The following SLC35F3 variants were observed in gnomAD, a reference collection of about 807,000 sequenced individuals.
SLC35F3 encodes the protein solute carrier family 35 member F3, also known as putative thiamine transporter SLC35F3.
SLC35F3 carries 25 observed loss-of-function variants against 49.9 expected under a neutral mutation model. The observed-to-expected ratio is 0.50, with a 90% CI of 0.37 to 0.70. SLC35F3 has a LOEUF of 0.70. Ranked by LOEUF, SLC35F3 falls within the 30% of genes least tolerant of loss-of-function variation. The pLI is 0.00. For synonymous variants in SLC35F3, 275 were observed against 265.4 expected (o/e 1.04, Z -0.35); for missense variants, 525 against 639.8 (o/e 0.82, Z 1.94).
intron 2 of SLC35F3, among the ~76,000 whole-genome samples, chr1:234,062,757 G>A (rs757112955): frequency 2.0e-5 from 3 of 149,508 alleles, no homozygotes. Context: ...TCCTTTCCCT[G>A]CAAGCTCTGC....
In SLC35F3 at chr1:234,092,858, A is replaced by T. The variant is rs2102878099; in HGVS notation, c.284-138559A>T. ...ACTCCAGCCTGGATGACAGAGCAAG[A>T]CCCTGTCTCTAAAAAAGAAAATTAA... On this transcript the variant is annotated intron_variant, in intron 2 of 7. Coordinates refer to ENST00000366618, the MANE Select transcript of SLC35F3 (RefSeq NM_173508.4). 1.3e-5 allele frequency among the ~76,000 whole-genome samples: 2 copies of T among 152,306 alleles called. 1 individual carries two copies. Among genetic ancestry groups the T allele is most frequent in the Middle Eastern group, 6.8e-3 (2 of 294 alleles).
chr1:234,116,537 C>T (rs981189748), intron 2 of SLC35F3, among the ~76,000 whole-genome samples: 3 of 136,376 alleles, frequency 2.2e-5, no homozygotes, highest in African/African-American at 7.9e-5. Flanking sequence ...TTTGAGACAG[C>T]GTTTTGCTCT....
intron 2 of SLC35F3, among the ~76,000 whole-genome samples, chr1:234,119,281 G>C (rs1038832678): frequency 6.6e-6 from 1 of 150,490 alleles, no homozygotes; most frequent in South Asian, 2.1e-4. Context: ...GCCTTATAGG[G>C]CCTCTCAATT....
Position 234,161,614 on chromosome 1 carries a change from C to A in SLC35F3, c.284-69803C>A, listed in dbSNP as rs557280433. On this transcript the variant is annotated intron_variant, in intron 2 of 7. Transcript: ENST00000366618. ...AAAAAATACAAAAATTTTCCAGTTG[C>A]TAGCAGCTGGAAAATGTAAAACAAA... Among the ~76,000 whole-genome samples, 10 of 152,122 alleles carry A rather than the reference C, an allele frequency of 6.6e-5. No individual in the cohort carries two copies. In the South Asian group the frequency reaches 2.1e-3, roughly 32 times the overall value.
At chr1:234,241,365 G>C (rs910390950) in intron 3 of SLC35F3, among the ~76,000 whole-genome samples, 3 of 152,188 alleles carry the variant, frequency 2.0e-5, no homozygotes, top group Non-Finnish European at 4.4e-5. Context: ...CCAGTTCTCA[G>C]ATCCACTGTT....
At chr1:234,173,864 C>T (rs1332934209) in intron 2 of SLC35F3, among the ~76,000 whole-genome samples, 5 of 152,150 alleles carry the variant, frequency 3.3e-5, no homozygotes, top group Non-Finnish European at 5.9e-5. Context: ...GAGTTTCCTC[C>T]GCTCTCTGAC....
chr1:234,195,807 C>T (rs756660293), intron 2 of SLC35F3, among the ~76,000 whole-genome samples: 4 of 152,088 alleles, frequency 2.6e-5, no homozygotes, highest in Admixed American at 6.5e-5. Context: ...GGCGGTTTCC[C>T]CCATACTGTT....
rs551883037 is a variant in SLC35F3, at chr1:234,146,505, T to C, written c.284-84912T>C. Among the ~76,000 whole-genome samples, 314 of 137,946 alleles carry C rather than the reference T, an allele frequency of 2.3e-3. 5 individuals are homozygous for C. Among genetic ancestry groups the C allele is most frequent in the African/African-American group, 7.6e-3 (258 of 33,736 alleles). 90.5% of individuals were successfully genotyped at this position (137,946 alleles called of 152,430 possible). On this transcript the variant is annotated intron_variant, in intron 2 of 7. Coordinates refer to ENST00000366618, the MANE Select transcript of SLC35F3 (RefSeq NM_173508.4). ...TCTTTTTTTTTTTTTTTTTTTTTTT[T>C]CTGGAGACGGAGTTTCGCTCTTGTT...
chr1:234,136,334 C>T (rs1427450969), intron 2 of SLC35F3, among the ~76,000 whole-genome samples: 1 of 149,570 alleles, frequency 6.7e-6, no homozygotes, highest in African/African-American at 2.5e-5. Flanking sequence ...TTCCTTCCCT[C>T]TTTGTTTTTT....
intron 2 of SLC35F3, among the ~76,000 whole-genome samples, chr1:233,934,404 G>A (rs961784365): frequency 1.3e-5 from 2 of 152,028 alleles, no homozygotes; most frequent in Non-Finnish European, 2.9e-5. Flanking sequence ...CAACCTTCAC[G>A]AATACACCCA....
chr1:233,924,844 A>G (rs181821505), intron 2 of SLC35F3, among the ~76,000 whole-genome samples: 1,799 of 152,224 alleles, frequency 0.012, 34 homozygotes, highest in African/African-American at 0.04. Flanking sequence ...CTTTGTTCTC[A>G]TTGGTTTCAA....
chr1:234,063,587 T>TCCC (rs1664575675), intron 2 of SLC35F3, among the ~76,000 whole-genome samples: 1 of 152,148 alleles, frequency 6.6e-6, no homozygotes, highest in African/African-American at 2.4e-5. Flanking sequence ...TGTTTAATCC[T>TCCC]AAATGGGTCC....
chr1:234,123,182 C>T (rs1665601263), intron 2 of SLC35F3, among the ~76,000 whole-genome samples: 1 of 152,122 alleles, frequency 6.6e-6, no homozygotes, highest in Admixed American at 6.5e-5. Context: ...GAGAGGGTAT[C>T]TCATTGTGGT....
chr1:233,909,309 T>A (rs563721395), intron 2 of SLC35F3, among the ~76,000 whole-genome samples: 2 of 152,228 alleles, frequency 1.3e-5, no homozygotes, highest in Admixed American at 6.5e-5. Context: ...CCACATTCCA[T>A]GTTTTTGAAC....
intron 2 of SLC35F3, among the ~76,000 whole-genome samples, chr1:234,163,419 G>A (rs1444450012): frequency 6.6e-6 from 1 of 152,138 alleles, no homozygotes; most frequent in Admixed American, 6.5e-5. Flanking sequence ...CGGAGACAAA[G>A]ACAGACGTCC....
Position 234,214,508 on chromosome 1 carries a change from C to A in SLC35F3, c.284-16909C>A, listed in dbSNP as rs866078959. On this transcript the variant is annotated intron_variant, in intron 2 of 7. Transcript: ENST00000366618. This position sits in a 1 kb window ranked among gnomAD's most constrained non-coding sequence, Gnocchi z 8.0. ...AGGCGGCCGGCTCATCATGAAGAAG[C>A]ACTCGGCCCGGGTGGCCCCGCTCAG... 1 of 1,542,290 alleles carries A rather than the reference C, an allele frequency of 6.5e-7. No homozygotes were observed. The highest frequency in any genetic ancestry group is 8.7e-7 in the Non-Finnish European group (1 of 1,146,318).
chr1:234,044,708 A>G (rs1664265454), intron 2 of SLC35F3, among the ~76,000 whole-genome samples: 1 of 152,126 alleles, frequency 6.6e-6, no homozygotes, highest in African/African-American at 2.4e-5. Flanking sequence ...TTTAGTCATT[A>G]ATGTTTCTTC....
In SLC35F3 at chr1:233,913,620, A is replaced by G. The variant is rs549995951; in HGVS notation, c.283+7862A>G. On this transcript the variant is annotated intron_variant, in intron 2 of 7. Transcript: ENST00000366618. ...CAATAAACATTTGTTAAATGTACTT[A>G]TTAAAGGCCTAAGTGGCCGTTTCCT... Among the ~76,000 whole-genome samples the G allele has an allele frequency of 9.2e-5, 14 of 152,334 alleles. No individual in the cohort carries two copies. In the East Asian group the frequency reaches 2.5e-3, roughly 27 times the overall value.
chr1:233,996,976 C>T (rs577443006), intron 2 of SLC35F3, among the ~76,000 whole-genome samples: 97 of 152,166 alleles, frequency 6.4e-4, no homozygotes, highest in Non-Finnish European at 8.8e-4. Context: ...GGGTGTTTTT[C>T]GATTTCACAT....
Sources: gnomAD v4.1 joint callset for allele counts (sites outside exome capture counted in the v4.1 genomes callset) on GRCh38, gnomAD v4.1.1 for gene constraint, Gnocchi (gnomAD v3.1) non-coding constraint, MANE v1.5 for transcripts, NCBI Gene and HGNC (gene_info 2026-07-23, HGNC 2026-07-21) for gene names.